CCNI: variants seen among roughly 807,000 people sequenced by gnomAD.
CCNI encodes the protein cyclin I, also known as cyclin-I.
A neutral mutation model predicts 34.1 loss-of-function variants in CCNI; 14 were observed. The ratio of observed to expected loss-of-function variants is 0.41; its 90% confidence interval spans 0.27 to 0.64. CCNI has a LOEUF of 0.64. Among genes scored for constraint, CCNI ranks in the 30% least tolerant of loss-of-function variants. The pLI is 0.31. For missense variants in CCNI, 385 were observed against 440.5 expected, an observed-to-expected ratio of 0.87 and a Z score of 1.13; for synonymous variants, 154 against 158.4, an observed-to-expected ratio of 0.97 and a Z score of 0.21.
At chr4:77,074,545 G>A (rs768015075) in intron 1 of CCNI, among the ~76,000 whole-genome samples, 1 of 152,196 alleles carries the variant, frequency 6.6e-6, no homozygotes, top group Non-Finnish European at 1.5e-5. Flanking sequence ...TAAGGAGAAA[G>A]TTAATCTTGT....
intron 1 of CCNI, among the ~76,000 whole-genome samples, chr4:77,073,951 AAC>A (rs1729686410): frequency 6.6e-6 from 1 of 152,194 alleles, no homozygotes; most frequent in Non-Finnish European, 1.5e-5. Flanking sequence ...ATGCCATATT[AAC>A]TCATGTAATG....
At chr4:77,057,650 T>C (rs898510021) in intron 3 of CCNI, among the ~76,000 whole-genome samples, 3 of 152,238 alleles carry the variant, frequency 2.0e-5, no homozygotes, top group Admixed American at 6.5e-5. Flanking sequence ...GCCTATTTAC[T>C]AACTTGACAC....
At chr4:77,073,345 G>A (rs1729634622) in intron 1 of CCNI, among the ~76,000 whole-genome samples, 2 of 152,078 alleles carry the variant, frequency 1.3e-5, no homozygotes, top group Admixed American at 1.3e-4. Flanking sequence ...TACATACAGG[G>A]CCCCCTGCTC....
intron 5 of CCNI, among the ~76,000 whole-genome samples, chr4:77,055,629 G>A (rs1297555314): frequency 3.3e-5 from 5 of 151,926 alleles, no homozygotes; most frequent in African/African-American, 1.2e-4. Context: ...ACCATGCCCG[G>A]CTAATTTTTG....
chr4:77,058,705 C>A, intron 2 of CCNI, 70 bp from the exon 3 acceptor site: 1 of 1,395,628 alleles, frequency 7.2e-7, no homozygotes, highest in South Asian at 1.3e-5. Context: ...TTAGAATTCT[C>A]TCTCATAAAA....
rs1178537723 is a variant in CCNI, at chr4:77,075,639, C to CG, written c.-212dup. On this transcript the variant is annotated 5_prime_UTR_variant, in exon 1 of 7. Transcript: ENST00000237654. Reference sequence around the variant, plus strand: ...GAGGAGGGAGAAAGGGGAAGCGGATCGGGGGGCGCGGGCGCGGGCGCTGGC... The same window carrying CG: ...GAGGAGGGAGAAAGGGGAAGCGGATCGGGGGGGCGCGGGCGCGGGCGCTGGC... 12 of 882,470 alleles carry CG rather than the reference C, an allele frequency of 1.4e-5. No homozygotes were observed. Among genetic ancestry groups the CG allele is most frequent in the Non-Finnish European group, 1.5e-5 (11 of 738,864 alleles). 54.7% of individuals were successfully genotyped at this position (882,470 alleles called of 1,614,324 possible).
At chr4:77,069,589 C>CT (rs1293524250) in intron 1 of CCNI, among the ~76,000 whole-genome samples, 1 of 107,226 alleles carries the variant, frequency 9.3e-6, no homozygotes, top group Non-Finnish European at 1.8e-5. Flanking sequence ...TCCCTCCCCC[C>CT]TCCCCCCACC....
chr4:77,073,481 G>A (rs989418087), intron 1 of CCNI, among the ~76,000 whole-genome samples: 4 of 152,186 alleles, frequency 2.6e-5, no homozygotes, highest in African/African-American at 9.7e-5. Context: ...GCTGACTTCT[G>A]AATCTTAGTT....
chr4:77,059,883 A>C (rs1020873030), intron 2 of CCNI, among the ~76,000 whole-genome samples: 1 of 152,212 alleles, frequency 6.6e-6, no homozygotes, highest in African/African-American at 2.4e-5. Context: ...GCTTTTATCC[A>C]AAATGCCACA....
At chr4:77,066,156 A>C in intron 2 of CCNI, 93 bp downstream of exon 2, 6 of 1,025,156 alleles carry the variant, frequency 5.9e-6, no homozygotes, top group Non-Finnish European at 8.9e-6. Flanking sequence ...AATGGTACAC[A>C]CTCCTCCAAT....
At chr4:77,069,351 C>T (rs1729284754) in intron 1 of CCNI, among the ~76,000 whole-genome samples, 1 of 152,136 alleles carries the variant, frequency 6.6e-6, no homozygotes, top group East Asian at 1.9e-4. Context: ...TGCCACTGCA[C>T]TCCAGCCCCA....
At chr4:77,059,264 T>A (rs1274997433) in intron 2 of CCNI, among the ~76,000 whole-genome samples, 1 of 152,038 alleles carries the variant, frequency 6.6e-6, no homozygotes, top group African/African-American at 2.4e-5. Flanking sequence ...CTATTGAGTA[T>A]AAGCTTAATT....
chr4:77,060,948 G>A (rs1026315698), intron 2 of CCNI, among the ~76,000 whole-genome samples: 3 of 151,752 alleles, frequency 2.0e-5, no homozygotes, highest in Admixed American at 6.6e-5. Context: ...TTGTAGAGAC[G>A]AGGTCTCACT....
intron 1 of CCNI, 52 bp downstream of exon 1, chr4:77,075,420 G>T: frequency 1.2e-6 from 1 of 817,534 alleles, no homozygotes; most frequent in Non-Finnish European, 1.5e-6. Context: ...CCAGCGCGTC[G>T]ACGCCGGCCG....
rs1357191897 is a variant in CCNI at position 77,048,143 on chromosome 4, C to T, written c.*76G>A. ...TGTTAAGGTATATTTCCTTCTACAG[C>T]CTTTCCTGATTTTGCATGTTCTCAT... On this transcript the variant is annotated 3_prime_UTR_variant, in exon 7 of 7. Transcript: ENST00000237654. The T allele has an allele frequency of 3.6e-6, 4 of 1,118,962 alleles. No individual in the cohort carries two copies. Among genetic ancestry groups the T allele is most frequent in the South Asian group, 2.9e-5 (2 of 69,780 alleles). The allele number at this position is 1,118,962 out of a possible 1,614,324, so 69.3% of individuals were successfully genotyped here.
At chr4:77,071,075 C>T (rs1578257930) in intron 1 of CCNI, among the ~76,000 whole-genome samples, 1 of 152,230 alleles carries the variant, frequency 6.6e-6, no homozygotes, top group South Asian at 2.1e-4. Context: ...GACTCAAGTT[C>T]CTTCACTAGG....
chr4:77,072,909 G>C (rs1428709365), intron 1 of CCNI, among the ~76,000 whole-genome samples: 2 of 152,104 alleles, frequency 1.3e-5, no homozygotes, highest in Non-Finnish European at 2.9e-5. Flanking sequence ...AAGAACAAAA[G>C]ACAAGACTAG....
At chr4:77,065,429 A>G (rs184491286) in intron 2 of CCNI, among the ~76,000 whole-genome samples, 5 of 152,368 alleles carry the variant, frequency 3.3e-5, no homozygotes, top group Non-Finnish European at 7.3e-5. Context: ...AAATAATTAT[A>G]TATGACAGAA....
intron 6 of CCNI, among the ~76,000 whole-genome samples, chr4:77,052,165 A>C (rs1368266847): frequency 1.6e-5 from 2 of 127,626 alleles, no homozygotes; most frequent in Non-Finnish European, 1.6e-5. Context: ...TGCCATCTTT[A>C]TGTCCGCGTG....
Sources: gnomAD v4.1 joint callset for allele counts (sites outside exome capture counted in the v4.1 genomes callset) on GRCh38, gnomAD v4.1.1 for gene constraint, MANE v1.5 for transcripts, NCBI Gene and HGNC (gene_info 2026-07-23, HGNC 2026-07-21) for gene names.